Variants in DLG2 observed in about 807,000 individuals in gnomAD.
DLG2 encodes the protein disks large homolog 2.
Under a neutral mutation model 132.5 loss-of-function variants are expected in DLG2, and 45 were observed. That is an observed-to-expected ratio of 0.34 (90% confidence interval 0.27 to 0.44). DLG2 has a LOEUF of 0.44. DLG2 is among the 20% of genes least tolerant of loss of function. The pLI, the probability that DLG2 is intolerant of heterozygous loss-of-function variation, is 1.00. For synonymous variants in DLG2, 424 were observed against 419.6 expected, an observed-to-expected ratio of 1.01 and a Z score of -0.13; for missense variants, 1,045 against 1,196.9, an observed-to-expected ratio of 0.87 and a Z score of 1.87.
chr11:84,743,936 G>A (rs1270695821), intron 6 of DLG2, among the ~76,000 whole-genome samples: 1 of 152,006 alleles, frequency 6.6e-6, no homozygotes, highest in Admixed American at 6.6e-5. Flanking sequence ...ATCTTGGCCA[G>A]GCTGGTCTTG....
chr11:84,889,480 T>G (rs2088939530), intron 6 of DLG2, among the ~76,000 whole-genome samples: 1 of 152,064 alleles, frequency 6.6e-6, no homozygotes, highest in African/African-American at 2.4e-5. Context: ...TGGTCAGTAT[T>G]CCTACAAACA....
At position 84,722,750 on chromosome 11, in the gene DLG2, A is replaced by G. The variant is rs1326763825; in HGVS notation, c.358-188019T>C. On this transcript the variant is annotated intron_variant, in intron 6 of 27. Coordinates refer to ENST00000376104, the MANE Select transcript of DLG2 (RefSeq NM_001142699.3). ...CAAAATTCAACACGGAAAGACCCTC[A>G]GAGTTGAGTTACACCTGGTTCTAAC... Among the ~76,000 whole-genome samples the G allele has an allele frequency of 2.6e-5, 4 of 152,314 alleles. No homozygotes were observed. In the East Asian group the frequency reaches 7.7e-4, roughly 29 times the overall value.
intron 4 of DLG2, among the ~76,000 whole-genome samples, chr11:85,221,756 A>G (rs777962903): frequency 6.6e-6 from 1 of 152,208 alleles, no homozygotes; most frequent in African/African-American, 2.4e-5. Flanking sequence ...TGGTTTATCC[A>G]AGGTCATATC....
intron 4 of DLG2, among the ~76,000 whole-genome samples, chr11:85,263,199 C>T (rs1045461888): frequency 6.6e-6 from 1 of 152,294 alleles, no homozygotes; most frequent in East Asian, 1.9e-4. Flanking sequence ...CCAGGTCAGT[C>T]CAGGTATGAA....
Position 83,830,747 on chromosome 11 carries a change from T to C in DLG2, c.1722+2867A>G, listed in dbSNP as rs973666603. Among the ~76,000 whole-genome samples the C allele has an allele frequency of 2.6e-5, 4 of 152,326 alleles. No homozygotes were observed. In the South Asian group the frequency reaches 6.2e-4, roughly 24 times the overall value. On this transcript the variant is annotated intron_variant, in intron 17 of 27. Transcript: ENST00000376104. Reference sequence around the variant, plus strand: ...TTTATAGTCAGTAGCTGTGGAGACATAGACAGATCATTTAGCCTCTCCAAA... The same window carrying C: ...TTTATAGTCAGTAGCTGTGGAGACACAGACAGATCATTTAGCCTCTCCAAA...
At chr11:84,665,505 C>T (rs1195964086) in intron 6 of DLG2, among the ~76,000 whole-genome samples, 1 of 152,088 alleles carries the variant, frequency 6.6e-6, no homozygotes, top group Non-Finnish European at 1.5e-5. Context: ...TTTCCACATG[C>T]TAATCCTTCT....
intron 3 of DLG2, among the ~76,000 whole-genome samples, chr11:85,480,820 A>G (rs990070517): frequency 6.6e-6 from 1 of 151,520 alleles, no homozygotes; most frequent in Non-Finnish European, 1.5e-5. Context: ...TGCACACAGG[A>G]AAAAAAACTA....
At chr11:83,693,037 T>C (rs913743606) in intron 18 of DLG2, 3 of 152,212 alleles carry the variant, frequency 2.0e-5, no homozygotes, top group Non-Finnish European at 2.9e-5. Flanking sequence ...AGTTGCCCAT[T>C]AGCCAAGAAG....
At chr11:85,383,050 CA>C (rs1251521196) in intron 3 of DLG2, among the ~76,000 whole-genome samples, 1 of 152,104 alleles carries the variant, frequency 6.6e-6, no homozygotes, top group Non-Finnish European at 1.5e-5. Context: ...CAGTATTATT[CA>C]TAATAGTCAA....
intron 11 of DLG2, among the ~76,000 whole-genome samples, chr11:84,021,204 G>A (rs1220705069): frequency 1.3e-5 from 2 of 151,916 alleles, no homozygotes; most frequent in African/African-American, 4.8e-5. Context: ...TTTAACATTG[G>A]TATTACTGTT....
intron 11 of DLG2, 82 bp downstream of exon 11, chr11:84,059,233 G>A (rs2096553129): frequency 1.5e-6 from 2 of 1,379,094 alleles, no homozygotes; most frequent in Non-Finnish European, 1.0e-6. Context: ...AGGTTAAAGA[G>A]TTCATCATAC....
chr11:85,080,567 C>A (rs931410568), intron 6 of DLG2, among the ~76,000 whole-genome samples: 2 of 152,072 alleles, frequency 1.3e-5, no homozygotes, highest in Non-Finnish European at 2.9e-5. Flanking sequence ...GTCATCTTCT[C>A]CCAGGTCTGA....
At position 83,505,198 on chromosome 11, in the gene DLG2, A is replaced by AAT. The variant is rs149021344; in HGVS notation, c.2194-20972_2194-20971dup. Reference sequence around the variant, plus strand: ...GCTCTTTCCGTGATGGAAGAGGTGCAATATATATATAACCTGCCACCAGGT... The same window carrying AAT: ...GCTCTTTCCGTGATGGAAGAGGTGCAATATATATATATAACCTGCCACCAGGT... On this transcript the variant is annotated intron_variant, in intron 21 of 27. Transcript: ENST00000376104. 3.9e-4 allele frequency among the ~76,000 whole-genome samples: 60 copies of AAT among 152,260 alleles called. No individual in the cohort carries two copies. The East Asian group carries it at 7.1e-3, about 18-fold the overall frequency.
chr11:84,481,335 T>C (rs2099137058), intron 7 of DLG2, among the ~76,000 whole-genome samples: 1 of 152,176 alleles, frequency 6.6e-6, no homozygotes, highest in Non-Finnish European at 1.5e-5. Flanking sequence ...TCTGCATCAT[T>C]AGATCTCTTC....
intron 7 of DLG2, among the ~76,000 whole-genome samples, chr11:84,384,684 A>T (rs1009426130): frequency 2.6e-5 from 4 of 152,130 alleles, no homozygotes; most frequent in African/African-American, 9.6e-5. Flanking sequence ...TATTAGAAAG[A>T]TAACTCCGAA....
At chr11:85,152,451 C>T (rs2152455965) in intron 5 of DLG2, among the ~76,000 whole-genome samples, 1 of 152,218 alleles carries the variant, frequency 6.6e-6, no homozygotes, top group Admixed American at 6.5e-5. Context: ...GTTGGCCAGG[C>T]TGGTCTCAAA....
intron 6 of DLG2, among the ~76,000 whole-genome samples, chr11:84,674,609 C>T (rs1330019984): frequency 6.6e-6 from 1 of 152,080 alleles, no homozygotes; most frequent in Non-Finnish European, 1.5e-5. Flanking sequence ...CCTCTATTGA[C>T]CACTGTGACA....
intron 3 of DLG2, among the ~76,000 whole-genome samples, chr11:85,437,267 G>C (rs1205202849): frequency 6.7e-6 from 1 of 148,930 alleles, no homozygotes; most frequent in Non-Finnish European, 1.5e-5. Flanking sequence ...GTATACCTAT[G>C]TGACAAACCT....
At chr11:84,558,155 A>G (rs1028711448) in intron 6 of DLG2, among the ~76,000 whole-genome samples, 14 of 152,134 alleles carry the variant, frequency 9.2e-5, no homozygotes, top group African/African-American at 3.4e-4. Flanking sequence ...AAGTGTTATT[A>G]TTCTTATTAT....
Sources: gnomAD v4.1 joint callset for allele counts (sites outside exome capture counted in the v4.1 genomes callset) on GRCh38, gnomAD v4.1.1 for gene constraint, MANE v1.5 for transcripts, NCBI Gene and HGNC (gene_info 2026-07-23, HGNC 2026-07-21) for gene names.